The following ATP2A2 variants were observed in gnomAD, a reference collection of about 807,000 sequenced individuals.
ATP2A2 encodes the protein ATPase sarcoplasmic/endoplasmic reticulum Ca2+ transporting 2.
In ATP2A2, 14 loss-of-function variants were observed where a neutral mutation model predicts 109.3. The ratio of observed to expected loss-of-function variants is 0.13; its 90% CI spans 0.08 to 0.20. ATP2A2 has a LOEUF of 0.20. ATP2A2 is among the 10% of genes least tolerant of loss of function. The pLI, the probability that ATP2A2 is intolerant of heterozygous loss-of-function variation, is 1.00. For missense variants in ATP2A2, 657 were observed against 1,321.6 expected (o/e 0.50, Z 7.80); for synonymous variants, 506 against 490.9 (o/e 1.03, Z -0.41).
At chr12:110,324,291 GCTTA>G (rs1453204966) in intron 6 of ATP2A2, among the ~76,000 whole-genome samples, 4 of 152,132 alleles carry the variant, frequency 2.6e-5, no homozygotes, top group Middle Eastern at 3.4e-3. Context: ...TTTATAAATA[GCTTA>G]CTTATTAAAA....
Position 110,342,041 on chromosome 12 carries a change from A to G in ATP2A2, c.2098-187A>G, listed in dbSNP as rs189745555. Among the ~76,000 whole-genome samples the G allele has an allele frequency of 2.1e-3, 324 of 152,334 alleles. No individual in the cohort carries two copies. The highest frequency in any genetic ancestry group is 3.6e-3 in the Non-Finnish European group (248 of 68,026). ...TCCCACTTCGGTAAACTTATTTGGT[A>G]ATTTTACATTTCCTAGGTAAAATGT... On this transcript the variant is annotated intron_variant, in intron 14 of 19. Coordinates refer to ENST00000539276, the MANE Select transcript of ATP2A2 (RefSeq NM_170665.4). This position sits in a 1 kb window ranked among gnomAD's most constrained non-coding sequence, Gnocchi z 4.6.
intron 5 of ATP2A2, among the ~76,000 whole-genome samples, chr12:110,315,173 G>C (rs556502497): frequency 3.3e-5 from 5 of 152,124 alleles, no homozygotes; most frequent in Admixed American, 6.6e-5. Context: ...GCAATATACT[G>C]TTAACTGTAT....
At chr12:110,289,502 C>A (rs1026369576) in intron 3 of ATP2A2, among the ~76,000 whole-genome samples, 4 of 152,170 alleles carry the variant, frequency 2.6e-5, no homozygotes, top group Non-Finnish European at 5.9e-5. Context: ...CCCTAGCTCA[C>A]TGGACGTTGG....
At chr12:110,312,045 G>C (rs1258920779) in intron 5 of ATP2A2, among the ~76,000 whole-genome samples, 1 of 152,088 alleles carries the variant, frequency 6.6e-6, no homozygotes, top group Non-Finnish European at 1.5e-5. Flanking sequence ...TGGGCATGTT[G>C]ACGTGCTCCT....
intron 1 of ATP2A2, among the ~76,000 whole-genome samples, chr12:110,282,354 G>A (rs2137672731): frequency 6.6e-6 from 1 of 152,322 alleles, no homozygotes; most frequent in East Asian, 1.9e-4. Context: ...GGAGCCCGAA[G>A]TGATTTCACG....
chr12:110,318,577 G>A (rs1376140791), intron 5 of ATP2A2, among the ~76,000 whole-genome samples: 1 of 152,136 alleles, frequency 6.6e-6, no homozygotes, highest in African/African-American at 2.4e-5. Context: ...AGGCTCAAGC[G>A]ATAGTCTTGC....
rs932504159 is a variant in ATP2A2 at position 110,349,799 on chromosome 12, A to T, written c.*3329A>T. 1.5e-5 allele frequency: 15 copies of T among 1,021,412 alleles called. No individual in the cohort carries two copies. Among genetic ancestry groups the T allele is most frequent in the South Asian group, 3.9e-5 (1 of 25,338 alleles). The allele number at this position is 1,021,412 out of a possible 1,614,324, so 63.3% of individuals were successfully genotyped here. ...ACCCGCTGCAGTTAGCAAGAAGGGT[A>T]GGCTTCACCCTCCTTTACTGAGGAG... On this transcript the variant is annotated 3_prime_UTR_variant, in exon 20 of 20. Coordinates refer to ENST00000539276, the MANE Select transcript of ATP2A2 (RefSeq NM_170665.4).
At chr12:110,328,560 T>TC (rs1878029383) in intron 8 of ATP2A2, among the ~76,000 whole-genome samples, 1 of 152,072 alleles carries the variant, frequency 6.6e-6, no homozygotes, top group Admixed American at 6.6e-5. Context: ...CAAGCAAGAC[T>TC]CCATCTCAAA....
At position 110,337,614 on chromosome 12, in the gene ATP2A2, C is replaced by G. The variant is rs183415337; in HGVS notation, c.1420-1667C>G. Among the ~76,000 whole-genome samples, 3 of 152,346 alleles carry G rather than the reference C, an allele frequency of 2.0e-5. No homozygotes were observed. The East Asian group carries it at 5.8e-4, about 29-fold the overall frequency. ...AGTCAGTTCATCAGCCTTCAGTCCT[C>G]CCGTAGCTTCCTAGGTTAGATGCTG... On this transcript the variant is annotated intron_variant, in intron 11 of 19. Transcript: ENST00000539276.
chr12:110,286,046 C>G (rs577508247), intron 3 of ATP2A2, among the ~76,000 whole-genome samples: 1 of 151,980 alleles, frequency 6.6e-6, no homozygotes, highest in Non-Finnish European at 1.5e-5. Flanking sequence ...GCCTCAGCCT[C>G]CTGAGTAGCT....
At chr12:110,296,370 C>T (rs1873961740) in intron 4 of ATP2A2, 1 of 541,780 alleles carries the variant, frequency 1.8e-6, no homozygotes, top group African/African-American at 1.9e-5. Context: ...TGCTTTTCCT[C>T]ATTGTTTTAT....
At chr12:110,294,716 G>T (rs1467113530) in intron 4 of ATP2A2, among the ~76,000 whole-genome samples, 3 of 152,186 alleles carry the variant, frequency 2.0e-5, no homozygotes, top group South Asian at 4.1e-4. Context: ...AATGGTATGA[G>T]CAGCAATAGA....
chr12:110,311,114 G>A (rs1875986970), intron 5 of ATP2A2, among the ~76,000 whole-genome samples: 1 of 152,200 alleles, frequency 6.6e-6, no homozygotes, highest in Admixed American at 6.5e-5. Context: ...CTTTTAGAAA[G>A]CTGTTGGGGT....
At chr12:110,345,049 A>G in intron 17 of ATP2A2, 78 bp downstream of exon 17, 1 of 1,523,990 alleles carries the variant, frequency 6.6e-7, no homozygotes, top group South Asian at 1.1e-5. Flanking sequence ...TTCGGTATCT[A>G]TCAAATCATC....
chr12:110,283,569 TATTA>T (rs1400321141), intron 3 of ATP2A2, among the ~76,000 whole-genome samples: 2 of 152,162 alleles, frequency 1.3e-5, no homozygotes, highest in South Asian at 4.1e-4. Context: ...AAATGTTCGG[TATTA>T]ATTTTTTGTT....
chr12:110,342,530 A>T lies in ATP2A2; in HGVS notation c.2318+82A>T, dbSNP rs985194468. On this transcript the variant is annotated intron_variant, in intron 15 of 19. Coordinates refer to ENST00000539276, the MANE Select transcript of ATP2A2 (RefSeq NM_170665.4). This position sits in a 1 kb window ranked among gnomAD's most constrained non-coding sequence, Gnocchi z 4.6. ...GCCCAGTTCTCGCAGTTTGCTCTCC[A>T]GATTGCAGCAGCTTTGGTCTTTGTG... is the stretch of plus-strand genomic sequence containing the variant. 6.8e-7 allele frequency: 1 copy of T among 1,460,808 alleles called. No individual in the cohort carries two copies. 90.5% of individuals were successfully genotyped at this position (1,460,808 alleles called of 1,614,324 possible). A position where few individuals can be genotyped will look rare whatever the true frequency, so the allele number is the denominator to read the frequency against.
intron 4 of ATP2A2, chr12:110,296,111 T>G (rs563447376): frequency 8.0e-4 from 132 of 165,024 alleles, no homozygotes; most frequent in Middle Eastern, 6.3e-3. Flanking sequence ...GGGTTTTTTT[T>G]GTTTTGTTTT....
At chr12:110,341,028 G>T in intron 14 of ATP2A2, 34 bp downstream of exon 14, 1 of 1,608,538 alleles carries the variant, frequency 6.2e-7, no homozygotes, top group Non-Finnish European at 8.5e-7. Context: ...GGTGACTCAG[G>T]CTACACAAGC....
chr12:110,296,816 A>T, intron 5 of ATP2A2, 79 bp downstream of exon 5: 2 of 1,445,424 alleles, frequency 1.4e-6, no homozygotes, highest in Non-Finnish European at 1.9e-6. Context: ...TCATAATTAT[A>T]TTTAAAATAA....
Sources: gnomAD v4.1 joint callset for allele counts (sites outside exome capture counted in the v4.1 genomes callset) on GRCh38, gnomAD v4.1.1 for gene constraint, Gnocchi (gnomAD v3.1) non-coding constraint, MANE v1.5 for transcripts, NCBI Gene and HGNC (gene_info 2026-07-23, HGNC 2026-07-21) for gene names.